IL1RAP: variants seen among roughly 807,000 people sequenced by gnomAD.
The protein encoded by IL1RAP is interleukin-1 receptor accessory protein.
A neutral mutation model predicts 60.7 loss-of-function variants in IL1RAP; 35 were observed. The ratio of observed to expected loss-of-function variants is 0.58; its 90% CI spans 0.44 to 0.76. The LOEUF is 0.76. Among genes scored for constraint, IL1RAP ranks in the 30% least tolerant of loss-of-function variants. The pLI, the probability that IL1RAP is intolerant of heterozygous loss-of-function variation, is 0.00. For synonymous variants in IL1RAP, 268 were observed against 250.9 expected, an observed-to-expected ratio of 1.07 and a Z score of -0.64; for missense variants, 572 against 693.9, an observed-to-expected ratio of 0.82 and a Z score of 1.97.
At chr3:190,611,227 C>T (rs997603723) in intron 5 of IL1RAP, among the ~76,000 whole-genome samples, 8 of 152,170 alleles carry the variant, frequency 5.3e-5, no homozygotes, top group Non-Finnish European at 8.8e-5. Flanking sequence ...GAAAAACCAT[C>T]AGACATGTTT....
intron 1 of IL1RAP, among the ~76,000 whole-genome samples, chr3:190,525,844 A>T (rs574015437): frequency 6.6e-6 from 1 of 152,210 alleles, no homozygotes; most frequent in Non-Finnish European, 1.5e-5. Flanking sequence ...GCTCAATTCA[A>T]TTCAGCTGGA....
At chr3:190,554,343 C>A (rs1400889262) in intron 1 of IL1RAP, among the ~76,000 whole-genome samples, 1 of 152,114 alleles carries the variant, frequency 6.6e-6, no homozygotes, top group Non-Finnish European at 1.5e-5. Flanking sequence ...CAGATTGAAA[C>A]CCTGGTTACT....
intron 1 of IL1RAP, among the ~76,000 whole-genome samples, chr3:190,532,925 C>G (rs1412917366): frequency 1.3e-5 from 2 of 152,104 alleles, no homozygotes; most frequent in Non-Finnish European, 2.9e-5. Flanking sequence ...ATGCCTTAAT[C>G]AATTGATGAT....
chr3:190,564,396 G>T, intron 3 of IL1RAP, 43 bp downstream of exon 3: 1 of 1,281,968 alleles, frequency 7.8e-7, no homozygotes, highest in Non-Finnish European at 1.1e-6. Context: ...TGCAAGTCAT[G>T]CGTAGGGTAA....
In IL1RAP at chr3:190,542,214, T is replaced by C. The variant is rs1723999240; in HGVS notation, c.-88-13916T>C. On this transcript the variant is annotated intron_variant, in intron 1 of 11. Coordinates refer to ENST00000447382, the MANE Select transcript of IL1RAP (RefSeq NM_002182.4). ...CTTTTGGACACAGCAAACGAAATAT[T>C]GAACACTTCATATATTTTGTTTTAT... Among the ~76,000 whole-genome samples the C allele has an allele frequency of 2.6e-5, 4 of 152,168 alleles. No individual in the cohort carries two copies. In the South Asian group the frequency reaches 8.3e-4, roughly 31 times the overall value.
chr3:190,580,712 ATCTAC>A, intron 3 of IL1RAP, among the ~76,000 whole-genome samples: 1 of 152,198 alleles, frequency 6.6e-6, no homozygotes, highest in African/African-American at 2.4e-5. Flanking sequence ...AGTCCTAGAA[ATCTAC>A]TCTACAGCTT....
At chr3:190,545,145 G>A (rs1295545024) in intron 1 of IL1RAP, among the ~76,000 whole-genome samples, 2 of 152,152 alleles carry the variant, frequency 1.3e-5, no homozygotes, top group Non-Finnish European at 2.9e-5. Flanking sequence ...TGCTACATCT[G>A]ATATTATTTT....
At chr3:190,645,620 C>A (rs1733960971) in intron 10 of IL1RAP, 79 bp from the exon 11 acceptor site, 1 of 1,153,942 alleles carries the variant, frequency 8.7e-7, no homozygotes, top group East Asian at 2.4e-5. Context: ...GTCTAATATG[C>A]AGAAGTTAGA....
At chr3:190,532,014 T>TAC (rs113253198) in intron 1 of IL1RAP, among the ~76,000 whole-genome samples, 54,053 of 151,466 alleles carry the variant, frequency 0.36, 10,959 homozygotes, top group African/African-American at 0.56. Flanking sequence ...GAGGAATATG[T>TAC]TGTGTTTATA....
chr3:190,522,293 C>G lies in IL1RAP; in HGVS notation c.-89+8074C>G, dbSNP rs146122981. On this transcript the variant is annotated intron_variant, in intron 1 of 11. Transcript: ENST00000447382. ...TAAACATGCCTGCCTTCCTTTGCTT[C>G]CTTCCTTCCTTCCTTCCTTCCTTCC... Among the ~76,000 whole-genome samples the G allele has an allele frequency of 1.4e-3, 61 of 44,984 alleles. 1 individual carries two copies. The highest frequency in any genetic ancestry group is 2.2e-3 in the African/African-American group (10 of 4,446). The allele number at this position is 44,984 out of a possible 152,430, so 29.5% of individuals were successfully genotyped here. A position where few individuals can be genotyped will look rare whatever the true frequency, so the allele number is the denominator to read the frequency against.
At chr3:190,623,569 A>G (rs1166766310) in intron 7 of IL1RAP, among the ~76,000 whole-genome samples, 154 bp downstream of exon 7, 2 of 152,216 alleles carry the variant, frequency 1.3e-5, no homozygotes, top group Non-Finnish European at 2.9e-5. Flanking sequence ...TGTGGAGATC[A>G]GTTACTTCCC....
chr3:190,584,495 A>G (rs1467919872), intron 3 of IL1RAP, among the ~76,000 whole-genome samples: 1 of 152,244 alleles, frequency 6.6e-6, no homozygotes, highest in East Asian at 1.9e-4. Context: ...AATGAATGAG[A>G]GTCCAGCTGC....
At chr3:190,614,613 G>A (rs1455972477) in intron 5 of IL1RAP, among the ~76,000 whole-genome samples, 1 of 152,164 alleles carries the variant, frequency 6.6e-6, no homozygotes, top group Non-Finnish European at 1.5e-5. Context: ...GTATAGCGTG[G>A]TTGAGAAATA....
chr3:190,583,414 T>C (rs1728174161), intron 3 of IL1RAP, among the ~76,000 whole-genome samples: 1 of 152,254 alleles, frequency 6.6e-6, no homozygotes, highest in Non-Finnish European at 1.5e-5. Context: ...TGAAGAAGCA[T>C]AGACGTTTCT....
chr3:190,586,149 T>A (rs973556756), intron 3 of IL1RAP, among the ~76,000 whole-genome samples: 1 of 152,218 alleles, frequency 6.6e-6, no homozygotes, highest in Non-Finnish European at 1.5e-5. Context: ...GAATTAAAAG[T>A]GCCTTCTGCC....
intron 3 of IL1RAP, among the ~76,000 whole-genome samples, chr3:190,587,932 A>G (rs1245046989): frequency 1.3e-5 from 2 of 152,178 alleles, no homozygotes; most frequent in Non-Finnish European, 2.9e-5. Flanking sequence ...GGATCAAAGG[A>G]TATAATATGT....
intron 1 of IL1RAP, among the ~76,000 whole-genome samples, chr3:190,529,803 G>A (rs187017917): frequency 7.3e-4 from 108 of 147,372 alleles, no homozygotes; most frequent in African/African-American, 2.4e-3. Context: ...GCAGTGAGCC[G>A]AAGATCACAG....
At position 190,651,210 on chromosome 3, in the gene IL1RAP, C is replaced by T. The variant is rs1003989868; in HGVS notation, c.*2505C>T. 1.0e-5 allele frequency: 10 copies of T among 980,394 alleles called. No homozygotes were observed. Among genetic ancestry groups the T allele is most frequent in the East Asian group, 2.3e-4 (2 of 8,796 alleles). 60.7% of individuals were successfully genotyped at this position (980,394 alleles called of 1,614,324 possible). On this transcript the variant is annotated 3_prime_UTR_variant, in exon 12 of 12. Coordinates refer to ENST00000447382, the MANE Select transcript of IL1RAP (RefSeq NM_002182.4). ...TGGTTTTAAATATATGCTATAGGGA[C>T]GTTCCATGCCCAGGTTAACAAAGAA...
intron 1 of IL1RAP, chr3:190,520,610 T>G (rs1721934321): frequency 6.6e-6 from 1 of 152,190 alleles, no homozygotes; most frequent in Non-Finnish European, 1.5e-5. Context: ...AAGTTTCCAT[T>G]GAAGTGGGCA....
Sources: allele counts gnomAD v4.1 joint callset (sites outside exome capture counted in the v4.1 genomes callset), GRCh38; gene constraint gnomAD v4.1.1; transcripts MANE v1.5; gene names NCBI Gene and HGNC (gene_info 2026-07-23, HGNC 2026-07-21).